TMCC2: variants seen among roughly 807,000 people sequenced by gnomAD.
TMCC2 encodes transmembrane and coiled-coil domains protein 2.
In TMCC2, 16 loss-of-function variants were observed where a neutral mutation model predicts 49.4. The ratio of observed to expected loss-of-function variants is 0.32; its 90% CI spans 0.22 to 0.49. TMCC2 has a LOEUF of 0.49. TMCC2 is among the 20% of genes least tolerant of loss of function. The pLI, the probability that TMCC2 is intolerant of heterozygous loss-of-function variation, is 0.99. For missense variants in TMCC2, 762 were observed against 989.8 expected (o/e 0.77, Z 3.09); for synonymous variants, 397 against 434.1 (o/e 0.91, Z 1.06).
At chr1:205,246,786 G>T in intron 2 of TMCC2, 1 of 1,330,740 alleles carries the variant, frequency 7.5e-7, no homozygotes. Context: ...GGGAAAACGT[G>T]AACCTTGCTG....
rs570381051 is a variant in TMCC2, at chr1:205,272,256, C to G, written c.*132C>G. Reference sequence around the variant, plus strand: ...CTGTCCATTCCAGCAGCTCCTGCCCCCTTCTCTGTACTTGCTTCTGTCTGA... The same window carrying G: ...CTGTCCATTCCAGCAGCTCCTGCCCGCTTCTCTGTACTTGCTTCTGTCTGA... On this transcript the variant is annotated 3_prime_UTR_variant, in exon 5 of 5. Coordinates refer to ENST00000358024, the MANE Select transcript of TMCC2 (RefSeq NM_014858.4). 30 of 1,442,684 alleles carry G rather than the reference C, an allele frequency of 2.1e-5. No individual in the cohort carries two copies. The East Asian group carries it at 4.7e-4, about 23-fold the overall frequency. 89.4% of individuals were successfully genotyped at this position (1,442,684 alleles called of 1,614,324 possible).
At chr1:205,230,063 A>T in intron 1 of TMCC2, 9 of 985,474 alleles carry the variant, frequency 9.1e-6, no homozygotes, top group Non-Finnish European at 1.1e-5. Context: ...GTTGCATTTA[A>T]TAAAGCCTAT....
chr1:205,230,330 G>A (rs1023711619), intron 1 of TMCC2, among the ~76,000 whole-genome samples: 4 of 152,138 alleles, frequency 2.6e-5, no homozygotes, highest in Admixed American at 2.6e-4. Flanking sequence ...TCAGAGCTTC[G>A]TGGCTAGACT....
chr1:205,228,141 C>A lies in TMCC2; in HGVS notation c.-424C>A, dbSNP rs1659645757. ...TGGCGGCCGACTAGGACCTGCCCGG[C>A]CGGCTGCCCCGCGCCCCGCCTCGCC... On this transcript the variant is annotated 5_prime_UTR_variant, in exon 1 of 5. Transcript: ENST00000358024. 6.6e-6 allele frequency: 1 copy of A among 150,618 alleles called. No homozygotes were observed. 9.3% of individuals were successfully genotyped at this position (150,618 alleles called of 1,614,324 possible). A position where few individuals can be genotyped will look rare whatever the true frequency, so the allele number is the denominator to read the frequency against.
At position 205,272,499 on chromosome 1, in the gene TMCC2, G is replaced by A. The variant is rs1410348207; in HGVS notation, c.*375G>A. 4.3e-6 allele frequency: 1 copy of A among 230,824 alleles called. No individual in the cohort carries two copies. The highest frequency in any genetic ancestry group is 8.5e-6 in the Non-Finnish European group (1 of 117,428). 14.3% of individuals were successfully genotyped at this position (230,824 alleles called of 1,614,324 possible). ...GAGGGCTCTGCCTCAACTTTCCTAG[G>A]AAAGAGCCCACCTCGGAGATAGCTA... is the stretch of plus-strand genomic sequence containing the variant. On this transcript the variant is annotated 3_prime_UTR_variant, in exon 5 of 5. Transcript: ENST00000358024.
intron 1 of TMCC2, chr1:205,230,208 T>C (rs1387979389): frequency 1.0e-6 from 1 of 979,950 alleles, no homozygotes; most frequent in Non-Finnish European, 1.2e-6. Flanking sequence ...GTTACCTGTC[T>C]GTGTGCCTTG....
rs763176148 is a variant in TMCC2 at position 205,271,186 on chromosome 1, G to T, written c.1749G>T (p.Leu583=). Residue 583 remains leucine, a synonymous_variant, in exon 4 of 5, where the codon CTG becomes CTT. Transcript: ENST00000358024. ...TELHQNEMTN[L]KQELASMEEK... is the part of the protein sequence containing the mutation. ...TTCATCAGAACGAGATGACGAACCTGAAGCAGGAGCTGGCCAGCATGGAGG... is the reference window on the plus strand; with the variant it reads ...TTCATCAGAACGAGATGACGAACCTTAAGCAGGAGCTGGCCAGCATGGAGG... 3 of 1,614,130 alleles carry T rather than the reference G, an allele frequency of 1.9e-6. No homozygotes were observed. The East Asian group carries it at 6.7e-5, about 36-fold the overall frequency.
At chr1:205,229,520 C>G (rs1037087200) in intron 1 of TMCC2, 3 of 553,768 alleles carry the variant, frequency 5.4e-6, no homozygotes, top group Non-Finnish European at 6.4e-6. Flanking sequence ...CTGGATGAAG[C>G]TCAGTTTGCC....
Position 205,241,417 on chromosome 1 carries a change from A to C in TMCC2, c.208-88A>C. The C allele has an allele frequency of 1.4e-6, 2 of 1,394,006 alleles. No individual in the cohort carries two copies. The highest frequency in any genetic ancestry group is 4.7e-5 in the East Asian group (2 of 42,446). The allele number at this position is 1,394,006 out of a possible 1,614,324, so 86.4% of individuals were successfully genotyped here. A position where few individuals can be genotyped will look rare whatever the true frequency, so the allele number is the denominator to read the frequency against. On this transcript the variant is annotated intron_variant, in intron 1 of 4. Coordinates refer to ENST00000358024, the MANE Select transcript of TMCC2 (RefSeq NM_014858.4). The surrounding 1 kb of genome is among the most constrained non-coding windows in gnomAD (Gnocchi z 7.3). ...GCTGCATTAGCTATGCCAGTCTACC[A>C]AGGACAGACCCTTCACCTTCACCCT...
At chr1:205,250,426 A>C (rs1169102134) in intron 2 of TMCC2, among the ~76,000 whole-genome samples, 2 of 152,244 alleles carry the variant, frequency 1.3e-5, no homozygotes, top group East Asian at 3.9e-4. Flanking sequence ...CTGTAATCCC[A>C]GCTACTCGGG....
chr1:205,231,130 T>C (rs1278616981), intron 1 of TMCC2, among the ~76,000 whole-genome samples: 2 of 151,708 alleles, frequency 1.3e-5, no homozygotes, highest in African/African-American at 4.8e-5. Flanking sequence ...TTTATCTCTG[T>C]CTGCTTCATC....
At chr1:205,261,815 G>A (rs1661128508) in intron 2 of TMCC2, among the ~76,000 whole-genome samples, 1 of 152,130 alleles carries the variant, frequency 6.6e-6, no homozygotes, top group African/African-American at 2.4e-5. Flanking sequence ...CAGCTGGTAA[G>A]TGACAGAGCC....
In TMCC2 at chr1:205,242,202, G is replaced by A. The variant is rs1024747341; in HGVS notation, c.747+158G>A. On this transcript the variant is annotated intron_variant, in intron 2 of 4. Coordinates refer to ENST00000358024, the MANE Select transcript of TMCC2 (RefSeq NM_014858.4). ...TACCTTGGTTAAAGGAGTCGGGTATGACTAGGCCAAAAACAAGAGATGATT... is the reference window on the plus strand; with the variant it reads ...TACCTTGGTTAAAGGAGTCGGGTATAACTAGGCCAAAAACAAGAGATGATT... Among the ~76,000 whole-genome samples, 18 of 152,332 alleles carry A rather than the reference G, an allele frequency of 1.2e-4. 1 individual carries two copies. In the South Asian group the frequency reaches 3.7e-3, roughly 32 times the overall value.
chr1:205,230,072 A>G (rs10793727), intron 1 of TMCC2: 873,606 of 985,416 alleles, frequency 0.89, 387,618 homozygotes, highest in East Asian at 1. Flanking sequence ...AATAAAGCCT[A>G]TATCCTATGG....
Position 205,235,840 on chromosome 1 carries a change from CA to C in TMCC2, c.208-5664del, listed in dbSNP as rs762750228. Among the ~76,000 whole-genome samples, 9 of 152,198 alleles carry C rather than the reference CA, an allele frequency of 5.9e-5. No individual in the cohort carries two copies. In the East Asian group the frequency reaches 1.5e-3, roughly 26 times the overall value. On this transcript the variant is annotated intron_variant, in intron 1 of 4. Transcript: ENST00000358024. ...ATCCCAGCACTTTGGGAGGCCGAGGCAGGGGGGTCACGAGGTCAGGAGTTCG... is the reference window on the plus strand; with the variant it reads ...ATCCCAGCACTTTGGGAGGCCGAGGCGGGGGGTCACGAGGTCAGGAGTTCG...
rs905954730 is a variant in TMCC2, at chr1:205,228,329, C to A, written c.-236C>A. The A allele has an allele frequency of 1.6e-5, 7 of 437,926 alleles. No individual in the cohort carries two copies. The highest frequency in any genetic ancestry group is 3.6e-5 in the Admixed American group (1 of 28,108). The allele number at this position is 437,926 out of a possible 1,614,324, so 27.1% of individuals were successfully genotyped here. On this transcript the variant is annotated 5_prime_UTR_variant, in exon 1 of 5. Coordinates refer to ENST00000358024, the MANE Select transcript of TMCC2 (RefSeq NM_014858.4). ...CTGCCCAGCCTCGACTGTGACCTGT[C>A]TTCGCTCCCCAGGTCGAAATGAACT...
chr1:205,230,245 G>A, intron 1 of TMCC2: 1 of 853,660 alleles, frequency 1.2e-6, no homozygotes, highest in African/African-American at 1.8e-5. Context: ...GGGACGACTA[G>A]GTTATTGTTG....
Position 205,241,473 on chromosome 1 carries a change from C to G in TMCC2, c.208-32C>G. On this transcript the variant is annotated intron_variant, in intron 1 of 4. Transcript: ENST00000358024. This position sits in a 1 kb window ranked among gnomAD's most constrained non-coding sequence, Gnocchi z 7.3. ...TGACTAGGCAATCAAGAGCTTTCCA[C>G]TCACCAGGGTTCTTCATCTCTCCCC... is the stretch of plus-strand genomic sequence containing the variant. 6.2e-7 allele frequency: 1 copy of G among 1,604,924 alleles called. No homozygotes were observed. Among genetic ancestry groups the G allele is most frequent in the Non-Finnish European group, 8.5e-7 (1 of 1,175,256 alleles).
chr1:205,271,701 C>A, intron 4 of TMCC2, 112 bp from the exon 5 acceptor site: 1 of 1,402,392 alleles, frequency 7.1e-7, no homozygotes, highest in Non-Finnish European at 9.5e-7. Flanking sequence ...TCCTCCTGGC[C>A]TTTGGAGAGG....
Sources: allele counts gnomAD v4.1 joint callset (sites outside exome capture counted in the v4.1 genomes callset), GRCh38; gene constraint gnomAD v4.1.1; non-coding constraint Gnocchi (gnomAD v3.1); transcripts MANE v1.5; gene names NCBI Gene and HGNC (gene_info 2026-07-23, HGNC 2026-07-21).